KLHL29: variants seen among roughly 807,000 people sequenced by gnomAD.
KLHL29 encodes kelch like family member 29.
A neutral mutation model predicts 80.4 loss-of-function variants in KLHL29; 21 were observed. The observed-to-expected ratio is 0.26, with a 90% confidence interval of 0.19 to 0.38. The LOEUF (loss-of-function observed/expected upper bound fraction) is 0.38, where lower values mean the gene tolerates loss of function less well. Ranked by LOEUF, KLHL29 falls within the 10% of genes least tolerant of loss-of-function variation. The pLI is 1.00. For synonymous variants in KLHL29, 511 were observed against 526.8 expected (o/e 0.97, Z 0.41); for missense variants, 867 against 1,223.9 (o/e 0.71, Z 4.35).
At chr2:23,591,519 A>G (rs1348589366) in intron 3 of KLHL29, among the ~76,000 whole-genome samples, 18 of 109,744 alleles carry the variant, frequency 1.6e-4, no homozygotes, top group African/African-American at 6.6e-4. Context: ...CCATGTTCCC[A>G]TCCGCATGTC....
At chr2:23,550,537 A>G (rs1202949955) in intron 2 of KLHL29, among the ~76,000 whole-genome samples, 1 of 152,224 alleles carries the variant, frequency 6.6e-6, no homozygotes, top group African/African-American at 2.4e-5. Context: ...CGCAGCCGTC[A>G]ACCCAGATGC....
chr2:23,492,522 G>A (rs1292298124), intron 2 of KLHL29, among the ~76,000 whole-genome samples: 1 of 152,240 alleles, frequency 6.6e-6, no homozygotes, highest in Non-Finnish European at 1.5e-5. Flanking sequence ...TCCATTGGCT[G>A]GCAGCAACAC....
chr2:23,500,060 G>A (rs917828711), intron 2 of KLHL29, among the ~76,000 whole-genome samples: 1 of 152,200 alleles, frequency 6.6e-6, no homozygotes, highest in Non-Finnish European at 1.5e-5. Flanking sequence ...CAGGCCCTGT[G>A]CTGTCCGCCA....
intron 3 of KLHL29, among the ~76,000 whole-genome samples, chr2:23,601,687 A>T (rs1015954667): frequency 6.6e-6 from 1 of 152,166 alleles, no homozygotes; most frequent in African/African-American, 2.4e-5. Context: ...TAGCTCTGAG[A>T]TACCCAGTGA....
chr2:23,443,075 T>C (rs560265624), intron 1 of KLHL29, among the ~76,000 whole-genome samples: 1 of 152,296 alleles, frequency 6.6e-6, no homozygotes, highest in African/African-American at 2.4e-5. Flanking sequence ...CCAATTTTTA[T>C]TATGAAAAAT....
intron 1 of KLHL29, among the ~76,000 whole-genome samples, chr2:23,392,678 T>C (rs1666347922): frequency 6.6e-6 from 1 of 152,234 alleles, no homozygotes; most frequent in Admixed American, 6.5e-5. Context: ...GCCACGTTGT[T>C]CAGCTGGGTT....
At chr2:23,603,811 G>A (rs967737168) in intron 3 of KLHL29, among the ~76,000 whole-genome samples, 23 of 152,342 alleles carry the variant, frequency 1.5e-4, no homozygotes, top group Non-Finnish European at 3.1e-4. Flanking sequence ...ACGGTCCAGC[G>A]GGAAAGGAAG....
At chr2:23,639,769 A>C (rs149527952) in intron 4 of KLHL29, among the ~76,000 whole-genome samples, 1 of 152,070 alleles carries the variant, frequency 6.6e-6, no homozygotes, top group Non-Finnish European at 1.5e-5. Context: ...CATTGGCCCC[A>C]GAGCGCCCCC....
chr2:23,619,550 C>T (rs1001275230), intron 3 of KLHL29, among the ~76,000 whole-genome samples: 28 of 152,162 alleles, frequency 1.8e-4, no homozygotes, highest in Non-Finnish European at 8.8e-5. Context: ...AGGCTGTGCC[C>T]ATGATAACAG....
rs980597083 is a variant in KLHL29 at position 23,707,339 on chromosome 2, T to A, written c.*675T>A. On this transcript the variant is annotated 3_prime_UTR_variant, in exon 14 of 14. Coordinates refer to ENST00000486442, the MANE Select transcript of KLHL29 (RefSeq NM_052920.2). ...AAGGACAGTGATTGCGCTAGCTTTCTCTTACCCGGTATGAATTATTTAGAT... is the reference window on the plus strand; with the variant it reads ...AAGGACAGTGATTGCGCTAGCTTTCACTTACCCGGTATGAATTATTTAGAT... 24 of 152,218 alleles carry A rather than the reference T, an allele frequency of 1.6e-4. No individual in the cohort carries two copies. The highest frequency in any genetic ancestry group is 5.8e-4 in the African/African-American group (24 of 41,448). 9.4% of individuals were successfully genotyped at this position (152,218 alleles called of 1,614,324 possible).
chr2:23,413,207 G>A (rs1029763799), intron 1 of KLHL29, among the ~76,000 whole-genome samples: 3 of 152,276 alleles, frequency 2.0e-5, no homozygotes, highest in African/African-American at 7.2e-5. Flanking sequence ...GCAGCTCCTC[G>A]ACCTCACATT....
At chr2:23,584,522 T>C (rs762240049) in intron 3 of KLHL29, among the ~76,000 whole-genome samples, 33 of 152,222 alleles carry the variant, frequency 2.2e-4, no homozygotes, top group East Asian at 3.8e-4. Context: ...TTTAATTTCT[T>C]TGGAGGAACA....
At chr2:23,431,454 C>G (rs914814379) in intron 1 of KLHL29, among the ~76,000 whole-genome samples, 1 of 152,260 alleles carries the variant, frequency 6.6e-6, no homozygotes, top group Non-Finnish European at 1.5e-5. Context: ...AGCCCCACCT[C>G]TGCCGTCTCC....
Position 23,684,917 on chromosome 2 carries a change from G to A in KLHL29, c.1079+380G>A, listed in dbSNP as rs534786143. Among the ~76,000 whole-genome samples the A allele has an allele frequency of 3.3e-5, 5 of 152,286 alleles. No homozygotes were observed. Among genetic ancestry groups the A allele is most frequent in the East Asian group, 3.9e-4 (2 of 5,166 alleles). Reference sequence around the variant, plus strand: ...GGGATCACTACACACTGCCCCCACCGGGCCAGAGCAGGATCCCCAGTGCCA... The same window carrying A: ...GGGATCACTACACACTGCCCCCACCAGGCCAGAGCAGGATCCCCAGTGCCA... On this transcript the variant is annotated intron_variant, in intron 6 of 13. Transcript: ENST00000486442. The surrounding 1 kb of genome is among the most constrained non-coding windows in gnomAD (Gnocchi z 4.4).
chr2:23,681,426 G>C lies in KLHL29; in HGVS notation c.941-2973G>C, dbSNP rs1225176937. 1.3e-5 allele frequency among the ~76,000 whole-genome samples: 2 copies of C among 152,174 alleles called. No homozygotes were observed. Among genetic ancestry groups the C allele is most frequent in the African/African-American group, 4.8e-5 (2 of 41,434 alleles). ...GCAGAAGGTGTCACGGCCGGGGCTGGGGCTTTAGATAGAATCATTGCCGGG... is the reference window on the plus strand; with the variant it reads ...GCAGAAGGTGTCACGGCCGGGGCTGCGGCTTTAGATAGAATCATTGCCGGG... On this transcript the variant is annotated intron_variant, in intron 5 of 13. Transcript: ENST00000486442. This position sits in a 1 kb window ranked among gnomAD's most constrained non-coding sequence, Gnocchi z 4.2.
chr2:23,662,748 CCTA>C (rs1418910598), intron 5 of KLHL29, among the ~76,000 whole-genome samples: 1 of 152,174 alleles, frequency 6.6e-6, no homozygotes, highest in African/African-American at 2.4e-5. Flanking sequence ...CCTGGGCCCA[CCTA>C]CAGACTGTCT....
At chr2:23,388,476 G>A (rs1444363242) in intron 1 of KLHL29, among the ~76,000 whole-genome samples, 2 of 152,178 alleles carry the variant, frequency 1.3e-5, no homozygotes, top group Admixed American at 1.3e-4. Context: ...TGTGGATTGA[G>A]TGTCACCGTT....
chr2:23,671,232 G>C (rs1388341987), intron 5 of KLHL29, among the ~76,000 whole-genome samples: 1 of 151,970 alleles, frequency 6.6e-6, no homozygotes, highest in South Asian at 2.1e-4. Context: ...GTGGCTCTCA[G>C]AATTCTTGGG....
At chr2:23,496,092 G>A (rs1432941382) in intron 2 of KLHL29, among the ~76,000 whole-genome samples, 2 of 152,168 alleles carry the variant, frequency 1.3e-5, no homozygotes, top group East Asian at 1.9e-4. Context: ...CACAGTGCCC[G>A]GACGGCACTG....
Sources: allele counts gnomAD v4.1 joint callset (sites outside exome capture counted in the v4.1 genomes callset), GRCh38; gene constraint gnomAD v4.1.1; non-coding constraint Gnocchi (gnomAD v3.1); transcripts MANE v1.5; gene names NCBI Gene and HGNC (gene_info 2026-07-23, HGNC 2026-07-21).